Variants in ZNF609 observed in about 807,000 individuals in gnomAD.
The protein encoded by ZNF609 is zinc finger protein 609.
In ZNF609, 11 loss-of-function variants were observed where a neutral mutation model predicts 109.5. The ratio of observed to expected loss-of-function variants is 0.10; its 90% confidence interval spans 0.06 to 0.17. The LOEUF (loss-of-function observed/expected upper bound fraction) is 0.17. ZNF609 is among the 10% of genes least tolerant of loss of function. The probability of loss-of-function intolerance (pLI) is 1.00; values close to 1 mark genes in which losing one functional copy is unlikely to be tolerated. For synonymous variants in ZNF609, 646 were observed against 662.0 expected, an observed-to-expected ratio of 0.98 and a Z score of 0.37; for missense variants, 1,559 against 1,772.4, an observed-to-expected ratio of 0.88 and a Z score of 2.16.
In ZNF609 at chr15:64,675,145, C is replaced by T; in HGVS notation, c.2291C>T (p.Ser764Leu). The part of the protein sequence containing the change: ...EEGKSPFRES[S>L]GDGMKMEGLL... ...GGCAAAAGCCCATTCAGGGAATCTT[C>T]AGGAGATGGGATGAAAATGGAGGGG... Residue 764 changes from serine to leucine, a missense_variant, in exon 5 of 10, where the codon TCA becomes TTA. This residue lies in a region of ZNF609 where 1,204 missense variants were observed against 1,314.1 expected (regional missense o/e 0.92). Coordinates refer to ENST00000326648, the MANE Select transcript of ZNF609 (RefSeq NM_015042.2). The T allele has an allele frequency of 6.2e-7, 1 of 1,614,074 alleles. No homozygotes were observed. The highest frequency in any genetic ancestry group is 8.5e-7 in the Non-Finnish European group (1 of 1,180,024).
chr15:64,587,906 G>T (rs1183517900), intron 2 of ZNF609, among the ~76,000 whole-genome samples: 1 of 151,966 alleles, frequency 6.6e-6, no homozygotes, highest in African/African-American at 2.4e-5. Flanking sequence ...GAGGCCAGGA[G>T]TTTGAAATGA....
At chr15:64,566,766 T>G (rs1401678757) in intron 2 of ZNF609, among the ~76,000 whole-genome samples, 2 of 152,198 alleles carry the variant, frequency 1.3e-5, no homozygotes, top group East Asian at 3.8e-4. Flanking sequence ...TGGGTGACCC[T>G]TGTTACAGAT....
In ZNF609 at chr15:64,573,356, T is replaced by TTTC. The variant is rs1244755901; in HGVS notation, c.748-49469_748-49468insCTT. Reference sequence around the variant, plus strand: ...TAGTGGCCCAACTTTCTTTTTTTTTTTTTTTTTTTTTTTTTTGAGACGGAG... The same window carrying TTTC: ...TAGTGGCCCAACTTTCTTTTTTTTTTTTCTTTTTTTTTTTTTTTTGAGACGGAG... On this transcript the variant is annotated intron_variant, in intron 2 of 9. Transcript: ENST00000326648. Among the ~76,000 whole-genome samples the TTTC allele has an allele frequency of 2.8e-5, 3 of 108,274 alleles. 1 individual carries two copies. Among genetic ancestry groups the TTTC allele is most frequent in the Non-Finnish European group, 2.0e-5 (1 of 50,310 alleles). The allele number at this position is 108,274 out of a possible 152,430, so 71.0% of individuals were successfully genotyped here.
chr15:64,645,283 G>T (rs1469568477), intron 3 of ZNF609, among the ~76,000 whole-genome samples: 1 of 151,802 alleles, frequency 6.6e-6, no homozygotes, highest in Non-Finnish European at 1.5e-5. Flanking sequence ...TAGAGATGGG[G>T]TCTCACCATG....
At chr15:64,607,393 C>T (rs1895620700) in intron 2 of ZNF609, among the ~76,000 whole-genome samples, 1 of 151,840 alleles carries the variant, frequency 6.6e-6, no homozygotes. Flanking sequence ...AACATTTCAC[C>T]AACAGATTGA....
chr15:64,653,953 T>C (rs1171702735), intron 3 of ZNF609: 1 of 152,216 alleles, frequency 6.6e-6, no homozygotes, highest in African/African-American at 2.4e-5. Context: ...ATTTGAGTTA[T>C]AAAAGACAAT....
intron 2 of ZNF609, among the ~76,000 whole-genome samples, chr15:64,605,088 A>C (rs1567026791): frequency 6.6e-6 from 1 of 151,906 alleles, no homozygotes; most frequent in East Asian, 1.9e-4. Context: ...ACCTCAGCCT[A>C]CCAAAGTGCT....
At chr15:64,539,443 G>A (rs1367107717) in intron 2 of ZNF609, among the ~76,000 whole-genome samples, 2 of 151,784 alleles carry the variant, frequency 1.3e-5, no homozygotes, top group African/African-American at 4.8e-5. Context: ...TCCTGACCGC[G>A]TGATCCACCC....
chr15:64,675,279 G>A lies in ZNF609; in HGVS notation c.2425G>A (p.Gly809Ser). Residue 809 changes from glycine (G) to serine (S), a missense_variant, in exon 5 of 10, where the codon GGC becomes AGC. Gly to Ser is a moderately conservative substitution (Grantham distance 56). Around this residue, in one of 4 missense-constraint regions of ZNF609, gnomAD observed 1,204 missense variants for 1,314.1 expected, o/e 0.92. Transcript: ENST00000326648. The stretch of plus-strand genomic sequence containing the variant: ...CAATGCCCCCAGCCCTTCCATTGGA[G>A]GCAGTAGCCGCCTTGAAAACACTAC... ...TDNAPSPSIG[G>S]SSRLENTTPT... 6.2e-7 allele frequency: 1 copy of A among 1,614,102 alleles called. No homozygotes were observed. The highest frequency in any genetic ancestry group is 8.5e-7 in the Non-Finnish European group (1 of 1,180,042).
At chr15:64,605,242 A>G (rs1895575798) in intron 2 of ZNF609, among the ~76,000 whole-genome samples, 1 of 152,212 alleles carries the variant, frequency 6.6e-6, no homozygotes, top group Non-Finnish European at 1.5e-5. Flanking sequence ...GAAGAAAGAA[A>G]CAGTATAACC....
chr15:64,678,609 T>G (rs1301891170), intron 6 of ZNF609, 127 bp downstream of exon 6: 2 of 1,332,632 alleles, frequency 1.5e-6, no homozygotes, highest in Middle Eastern at 2.0e-4. Context: ...GGACCTTTTT[T>G]CACTGAGTCA....
rs1180524819 is a variant in ZNF609 at position 64,646,634 on chromosome 15, C to CAA, written c.973+23605_973+23606dup. ...GCACAATGGAAACAAGACTCCATCT[C>CAA]AAAAAAAAAAAAAAAAAAAAAAAAC... On this transcript the variant is annotated intron_variant, in intron 3 of 9. Transcript: ENST00000326648. 8.2e-3 allele frequency among the ~76,000 whole-genome samples: 251 copies of CAA among 30,460 alleles called. 7 individuals carry two copies. Among genetic ancestry groups the CAA allele is most frequent in the African/African-American group, 0.017 (118 of 7,038 alleles). The allele number at this position is 30,460 out of a possible 152,430, so 20.0% of individuals were successfully genotyped here.
At chr15:64,544,573 C>T (rs1894325717) in intron 2 of ZNF609, among the ~76,000 whole-genome samples, 1 of 152,138 alleles carries the variant, frequency 6.6e-6, no homozygotes, top group Non-Finnish European at 1.5e-5. Flanking sequence ...GCTGGTTCTC[C>T]TTCCTTTATG....
intron 3 of ZNF609, among the ~76,000 whole-genome samples, chr15:64,625,932 TATATAGAGAGAGAG>T (rs1221097005): frequency 0.044 from 3,274 of 74,474 alleles, 68 homozygotes; most frequent in East Asian, 0.17. Context: ...TATATATATA[TATATAGAGAGAGAG>T]AGAGAGAGAG....
intron 1 of ZNF609, among the ~76,000 whole-genome samples, chr15:64,482,668 G>T (rs1893272245): frequency 6.6e-6 from 1 of 152,166 alleles, no homozygotes; most frequent in Admixed American, 6.5e-5. Flanking sequence ...TGCCAGTCAT[G>T]TAATTTGTTG....
chr15:64,584,090 T>A (rs1895155179), intron 2 of ZNF609, among the ~76,000 whole-genome samples: 1 of 152,172 alleles, frequency 6.6e-6, no homozygotes, highest in Non-Finnish European at 1.5e-5. Flanking sequence ...GGTTTCATTT[T>A]ATTGAGGTTT....
intron 2 of ZNF609, among the ~76,000 whole-genome samples, chr15:64,513,316 C>A (rs911280259): frequency 6.6e-6 from 1 of 152,184 alleles, no homozygotes; most frequent in Non-Finnish European, 1.5e-5. Context: ...GGTAGAGTGT[C>A]TGTTTTAGAT....
At chr15:64,490,341 T>C (rs950633365) in intron 1 of ZNF609, among the ~76,000 whole-genome samples, 1 of 149,962 alleles carries the variant, frequency 6.7e-6, no homozygotes, top group Non-Finnish European at 1.5e-5. Context: ...TGGCACGGTC[T>C]CGGCTCACTG....
chr15:64,606,475 G>A (rs1016680972), intron 2 of ZNF609, among the ~76,000 whole-genome samples: 1 of 147,734 alleles, frequency 6.8e-6, no homozygotes, highest in East Asian at 2.0e-4. Context: ...CACAAGAATC[G>A]CTTGAACCGG....
Sources: allele counts gnomAD v4.1 joint callset (sites outside exome capture counted in the v4.1 genomes callset), GRCh38; gene constraint gnomAD v4.1.1; regional missense constraint gnomAD v4.1.1; transcripts MANE v1.5; gene names NCBI Gene and HGNC (gene_info 2026-07-23, HGNC 2026-07-21).